Variants in MTUS2 observed in about 807,000 individuals in gnomAD.
MTUS2 encodes microtubule associated scaffold protein 2.
A neutral mutation model predicts 114.1 loss-of-function variants in MTUS2; 40 were observed. The observed-to-expected ratio is 0.35, with a 90% CI of 0.27 to 0.46. The LOEUF (loss-of-function observed/expected upper bound fraction) is 0.46. Ranked by LOEUF, MTUS2 falls within the 20% of genes least tolerant of loss-of-function variation. The pLI is 1.00. For missense variants in MTUS2, 1,679 were observed against 1,705.4 expected, an observed-to-expected ratio of 0.98 and a Z score of 0.27; for synonymous variants, 688 against 672.0, an observed-to-expected ratio of 1.02 and a Z score of -0.37.
intron 4 of MTUS2, among the ~76,000 whole-genome samples, chr13:29,062,758 C>G (rs76945591): frequency 0.011 from 1,722 of 152,246 alleles, 30 homozygotes; most frequent in African/African-American, 0.04. Context: ...CCTAAAAGAA[C>G]TGGACATGCA....
At chr13:29,502,341 T>C (rs1325010257) in intron 15 of MTUS2, among the ~76,000 whole-genome samples, 1 of 152,272 alleles carries the variant, frequency 6.6e-6, no homozygotes, top group Non-Finnish European at 1.5e-5. Flanking sequence ...ATTCATTTTT[T>C]CACCCACCAG....
intron 6 of MTUS2, among the ~76,000 whole-genome samples, chr13:29,319,457 C>T (rs760885780): frequency 6.6e-6 from 1 of 152,218 alleles, no homozygotes; most frequent in Non-Finnish European, 1.5e-5. Context: ...GCTCCAGGCC[C>T]ATATCCTGCC....
Position 29,103,728 on chromosome 13 carries a change from G to T in MTUS2, c.2644+2758G>T, listed in dbSNP as rs2138833831. ...GTCACTAGGCAATAGGAACTTTTCAGCTCATTTATAATCTTACAGGACCAC... is the reference window on the plus strand; with the variant it reads ...GTCACTAGGCAATAGGAACTTTTCATCTCATTTATAATCTTACAGGACCAC... On this transcript the variant is annotated intron_variant, in intron 5 of 15. Coordinates refer to ENST00000612955, the MANE Select transcript of MTUS2 (RefSeq NM_001033602.4). 2.6e-5 allele frequency among the ~76,000 whole-genome samples: 4 copies of T among 152,308 alleles called. No individual in the cohort carries two copies. In the Middle Eastern group the frequency reaches 0.014, roughly 518 times the overall value.
intron 6 of MTUS2, 21 bp downstream of exon 6, chr13:29,281,886 G>T: frequency 6.4e-7 from 1 of 1,562,214 alleles, no homozygotes; most frequent in Non-Finnish European, 8.7e-7. Context: ...GTGCCTTGGA[G>T]AGGCTCCATG....
chr13:28,830,250 CCACA>C (rs972116993), intron 1 of MTUS2, among the ~76,000 whole-genome samples: 3 of 151,902 alleles, frequency 2.0e-5, no homozygotes, highest in Non-Finnish European at 4.4e-5. Context: ...CATAAAATTT[CCACA>C]CACACAAGCA....
chr13:28,933,176 T>G (rs1410140565), intron 2 of MTUS2, among the ~76,000 whole-genome samples: 1 of 151,696 alleles, frequency 6.6e-6, no homozygotes, highest in African/African-American at 2.4e-5. Context: ...TTGATTGATC[T>G]GTTAACTTAT....
At chr13:29,055,776 G>T (rs1407158171) in intron 4 of MTUS2, among the ~76,000 whole-genome samples, 1 of 152,074 alleles carries the variant, frequency 6.6e-6, no homozygotes, top group Non-Finnish European at 1.5e-5. Context: ...GTAGTTCATT[G>T]TGGTTTTCAT....
rs1221623111 is a variant in MTUS2, at chr13:29,480,168, G to A, written c.3203G>A (p.Cys1068Tyr). The A allele has an allele frequency of 1.3e-6, 2 of 1,554,522 alleles. No homozygotes were observed. The highest frequency in any genetic ancestry group is 1.2e-5 in the South Asian group (1 of 84,130). ...CGCCCAGCCTTCCATACAGCAAAGT[G>A]CGAGAAACTACAAAAGGAGAAGGAG... ...RDEVAFHTAK[C>Y]EKLQKEKEEL... Residue 1068 changes from cysteine (C) to tyrosine (Y), a missense_variant, in exon 10 of 16, where the codon TGC (cysteine) becomes TAC (tyrosine). Around this residue, in one of 3 missense-constraint regions of MTUS2, gnomAD observed 822 missense variants for 899.7 expected, o/e 0.91. Coordinates refer to ENST00000612955, the MANE Select transcript of MTUS2 (RefSeq NM_001033602.4). This position sits in a 1 kb window ranked among gnomAD's most constrained non-coding sequence, Gnocchi z 4.4.
At chr13:29,435,973 C>T (rs1877378310) in intron 8 of MTUS2, among the ~76,000 whole-genome samples, 1 of 152,120 alleles carries the variant, frequency 6.6e-6, no homozygotes, top group Non-Finnish European at 1.5e-5. Context: ...CCCAAGTAAG[C>T]GATGCTGAAA....
chr13:29,329,179 T>C (rs9508359), intron 7 of MTUS2, among the ~76,000 whole-genome samples: 151,697 of 152,230 alleles, frequency 1, 75,584 homozygotes, highest in Middle Eastern at 1. Context: ...ATGTAGAGGA[T>C]GTGCAGGTTT....
intron 8 of MTUS2, among the ~76,000 whole-genome samples, chr13:29,418,713 T>A (rs1470006465): frequency 6.6e-6 from 1 of 152,210 alleles, no homozygotes; most frequent in Non-Finnish European, 1.5e-5. Context: ...CTGACTTACA[T>A]AGAAGAAGGA....
chr13:29,133,586 A>G (rs1036559108), intron 5 of MTUS2, among the ~76,000 whole-genome samples: 2 of 152,232 alleles, frequency 1.3e-5, no homozygotes, highest in African/African-American at 4.8e-5. Flanking sequence ...CCAGTTTTCG[A>G]AGAATCATTT....
rs199911224 is a variant in MTUS2, at chr13:29,407,447, CTTATTTATTTATTTAT to C, written c.3118-32505_3118-32490del. On this transcript the variant is annotated intron_variant, in intron 8 of 15. Coordinates refer to ENST00000612955, the MANE Select transcript of MTUS2 (RefSeq NM_001033602.4). ...CACATTATTCTCCAGAGTGATTGTA[CTTATTTATTTATTTAT>C]TTATTTATTTATTTATTTATTTATT... Among the ~76,000 whole-genome samples the C allele has an allele frequency of 1.4e-3, 200 of 139,396 alleles. 1 individual carries two copies. The highest frequency in any genetic ancestry group is 5.0e-3 in the African/African-American group (191 of 38,114). The allele number at this position is 139,396 out of a possible 152,430, so 91.4% of individuals were successfully genotyped here. A position where few individuals can be genotyped will look rare whatever the true frequency, so the allele number is the denominator to read the frequency against.
chr13:29,154,879 T>TC (rs1464209362), intron 5 of MTUS2, among the ~76,000 whole-genome samples: 1 of 152,176 alleles, frequency 6.6e-6, no homozygotes, highest in African/African-American at 2.4e-5. Context: ...AAGAAACCAG[T>TC]TACTTCAAAA....
At chr13:29,186,513 G>A (rs908353398) in intron 5 of MTUS2, among the ~76,000 whole-genome samples, 2 of 152,094 alleles carry the variant, frequency 1.3e-5, no homozygotes, top group Non-Finnish European at 2.9e-5. Context: ...AGACTTTAAG[G>A]CAACAATTAT....
chr13:29,047,087 G>C (rs933874693), intron 4 of MTUS2, among the ~76,000 whole-genome samples: 9 of 152,162 alleles, frequency 5.9e-5, no homozygotes, highest in African/African-American at 1.9e-4. Flanking sequence ...AAATTGCTTT[G>C]TTAAGAATCC....
intron 4 of MTUS2, among the ~76,000 whole-genome samples, chr13:29,053,178 T>A (rs1887981922): frequency 6.6e-6 from 1 of 152,212 alleles, no homozygotes; most frequent in Non-Finnish European, 1.5e-5. Context: ...AGATAACTAA[T>A]GTGACTATTC....
chr13:28,922,388 A>G (rs1211710210), intron 2 of MTUS2, among the ~76,000 whole-genome samples: 1 of 152,218 alleles, frequency 6.6e-6, no homozygotes, highest in South Asian at 2.1e-4. Flanking sequence ...GCTCAGCACT[A>G]GGACTTGCCT....
At chr13:29,109,035 A>G (rs1226788641) in intron 5 of MTUS2, among the ~76,000 whole-genome samples, 1 of 152,184 alleles carries the variant, frequency 6.6e-6, no homozygotes, top group Non-Finnish European at 1.5e-5. Flanking sequence ...TGTATGTTTG[A>G]ACATTTCCAT....
Sources: allele counts gnomAD v4.1 joint callset (sites outside exome capture counted in the v4.1 genomes callset), GRCh38; gene constraint gnomAD v4.1.1; regional missense constraint gnomAD v4.1.1; non-coding constraint Gnocchi (gnomAD v3.1); transcripts MANE v1.5; gene names NCBI Gene and HGNC (gene_info 2026-07-23, HGNC 2026-07-21).